The following GALNTL6 variants were observed in gnomAD, a reference collection of about 807,000 sequenced individuals.
GALNTL6 encodes polypeptide N-acetylgalactosaminyltransferase like 6, also known as polypeptide N-acetylgalactosaminyltransferase-like 6.
In GALNTL6, 46 loss-of-function variants were observed where a neutral mutation model predicts 73.7. The ratio of observed to expected loss-of-function variants is 0.62; its 90% CI spans 0.49 to 0.80. GALNTL6 has a LOEUF of 0.80. Ranked by LOEUF, GALNTL6 falls within the 30% of genes least tolerant of loss-of-function variation. The pLI is 0.00. For missense variants in GALNTL6, 604 were observed against 755.0 expected, an observed-to-expected ratio of 0.80 and a Z score of 2.34; for synonymous variants, 259 against 263.7, an observed-to-expected ratio of 0.98 and a Z score of 0.17.
chr4:172,634,451 A>G (rs1739559709), intron 5 of GALNTL6, among the ~76,000 whole-genome samples: 1 of 151,868 alleles, frequency 6.6e-6, no homozygotes, highest in Non-Finnish European at 1.5e-5. Flanking sequence ...GGAGCTAAGC[A>G]GCTCTGGAAC....
chr4:171,953,808 C>G (rs1413524171), intron 2 of GALNTL6, among the ~76,000 whole-genome samples: 1 of 151,940 alleles, frequency 6.6e-6, no homozygotes, highest in East Asian at 1.9e-4. Context: ...GCCCAAGAGA[C>G]AGTAAAGGCA....
chr4:172,949,480 TG>T (rs760906587), intron 9 of GALNTL6, among the ~76,000 whole-genome samples: 359 of 152,356 alleles, frequency 2.4e-3, no homozygotes, highest in Non-Finnish European at 2.1e-3. Context: ...AGGTGTAAAT[TG>T]ATGAAAATTA....
rs1734760441 is a variant in GALNTL6 at position 171,824,080 on chromosome 4, TATATATA to T, written c.138+9363_138+9369del. ...AAGTCCTCAACACAAATCCATTTTA[TATATATA>T]TATATATATATATATATATATATGT... is the stretch of plus-strand genomic sequence containing the variant. On this transcript the variant is annotated intron_variant, in intron 2 of 12. Transcript: ENST00000506823. 7.0e-4 allele frequency among the ~76,000 whole-genome samples: 12 copies of T among 17,214 alleles called. No individual in the cohort carries two copies. In the East Asian group the frequency reaches 0.046, roughly 66 times the overall value. The allele number at this position is 17,214 out of a possible 152,430, so 11.3% of individuals were successfully genotyped here. A position where few individuals can be genotyped will look rare whatever the true frequency, so the allele number is the denominator to read the frequency against.
chr4:172,092,417 A>G (rs78419675), intron 2 of GALNTL6, among the ~76,000 whole-genome samples: 2,540 of 152,254 alleles, frequency 0.017, 61 homozygotes, highest in African/African-American at 0.055. Flanking sequence ...AATTTAATAC[A>G]TAAAATAAGC....
At chr4:171,909,606 A>G (rs1183064718) in intron 2 of GALNTL6, among the ~76,000 whole-genome samples, 1 of 152,182 alleles carries the variant, frequency 6.6e-6, no homozygotes, top group Non-Finnish European at 1.5e-5. Flanking sequence ...AGAAAAATCC[A>G]TGAATAGGAA....
chr4:172,049,833 A>C (rs2110855726), intron 2 of GALNTL6, among the ~76,000 whole-genome samples: 1 of 152,130 alleles, frequency 6.6e-6, no homozygotes, highest in Non-Finnish European at 1.5e-5. Flanking sequence ...AAAATACAAA[A>C]GTTAGCCTGG....
intron 2 of GALNTL6, among the ~76,000 whole-genome samples, chr4:172,076,206 C>T (rs538536475): frequency 6.6e-6 from 1 of 152,280 alleles, no homozygotes; most frequent in South Asian, 2.1e-4. Context: ...CTAAATTAGT[C>T]TCTGCTGCAT....
At chr4:171,949,537 A>G (rs1738804624) in intron 2 of GALNTL6, among the ~76,000 whole-genome samples, 1 of 152,178 alleles carries the variant, frequency 6.6e-6, no homozygotes, top group Non-Finnish European at 1.5e-5. Flanking sequence ...AATGTATAAA[A>G]GAGGGTGAAG....
chr4:172,467,309 G>C (rs1279842583), intron 5 of GALNTL6, among the ~76,000 whole-genome samples: 2 of 152,186 alleles, frequency 1.3e-5, no homozygotes, highest in Non-Finnish European at 2.9e-5. Flanking sequence ...ACAATTAGTT[G>C]TTTAAAACAC....
intron 5 of GALNTL6, among the ~76,000 whole-genome samples, chr4:172,397,349 G>T (rs1743884270): frequency 6.6e-6 from 1 of 152,088 alleles, no homozygotes; most frequent in Admixed American, 6.5e-5. Context: ...TTGAGGGCAA[G>T]ATTTAGAAGT....
intron 2 of GALNTL6, among the ~76,000 whole-genome samples, chr4:171,889,974 C>T (rs1736716504): frequency 6.6e-6 from 1 of 151,884 alleles, no homozygotes; most frequent in Admixed American, 6.6e-5. Flanking sequence ...CATATAGTAC[C>T]CAACTGTTAA....
chr4:172,355,030 A>G (rs1742102363), intron 5 of GALNTL6, among the ~76,000 whole-genome samples: 1 of 152,066 alleles, frequency 6.6e-6, no homozygotes, highest in African/African-American at 2.4e-5. Flanking sequence ...ATCTGTTTTA[A>G]GCAGGTGCTC....
In GALNTL6 at chr4:172,339,237, C is replaced by T. The variant is rs536906057; in HGVS notation, c.387-9286C>T. On this transcript the variant is annotated intron_variant, in intron 4 of 12. Coordinates refer to ENST00000506823, the MANE Select transcript of GALNTL6 (RefSeq NM_001034845.3). ...ATCTCAGGGGAGCAGGCTGGGGCAC[C>T]CAGCAAACACACACACACACCACAC... is the stretch of plus-strand genomic sequence containing the variant. Among the ~76,000 whole-genome samples the T allele has an allele frequency of 2.2e-5, 3 of 135,604 alleles. No individual in the cohort carries two copies. In the South Asian group the frequency reaches 7.1e-4, roughly 32 times the overall value. The allele number at this position is 135,604 out of a possible 152,430, so 89.0% of individuals were successfully genotyped here.
chr4:172,427,513 G>A (rs1396036843), intron 5 of GALNTL6, among the ~76,000 whole-genome samples: 1 of 152,112 alleles, frequency 6.6e-6, no homozygotes, highest in Non-Finnish European at 1.5e-5. Context: ...CACCATATCA[G>A]AAGGGAAGGA....
intron 5 of GALNTL6, among the ~76,000 whole-genome samples, chr4:172,600,919 A>G (rs1738031292): frequency 6.6e-6 from 1 of 152,162 alleles, no homozygotes; most frequent in Non-Finnish European, 1.5e-5. Flanking sequence ...CTAGTGTCCA[A>G]TAAAAACATA....
intron 5 of GALNTL6, among the ~76,000 whole-genome samples, chr4:172,695,345 G>A (rs1733618963): frequency 6.6e-6 from 1 of 152,172 alleles, no homozygotes; most frequent in Admixed American, 6.5e-5. Flanking sequence ...ATTCTTTTGT[G>A]TAACTGATTC....
At chr4:172,933,637 G>A (rs1173336509) in intron 9 of GALNTL6, among the ~76,000 whole-genome samples, 1 of 151,618 alleles carries the variant, frequency 6.6e-6, no homozygotes, top group South Asian at 2.1e-4. Flanking sequence ...ACATTTTATG[G>A]TTTTTTTAAG....
intron 5 of GALNTL6, among the ~76,000 whole-genome samples, chr4:172,481,515 T>A (rs1733473203): frequency 1.3e-5 from 2 of 149,802 alleles, no homozygotes; most frequent in African/African-American, 2.5e-5. Context: ...GAGAGCTGAT[T>A]GGTCCATTTT....
At chr4:172,682,219 G>A (rs557081095) in intron 5 of GALNTL6, among the ~76,000 whole-genome samples, 13 of 151,910 alleles carry the variant, frequency 8.6e-5, no homozygotes, top group Admixed American at 5.9e-4. Context: ...TTTGTTCTTC[G>A]TTATTATTTA....
Sources: allele counts gnomAD v4.1 joint callset (sites outside exome capture counted in the v4.1 genomes callset), GRCh38; gene constraint gnomAD v4.1.1; transcripts MANE v1.5; gene names NCBI Gene and HGNC (gene_info 2026-07-23, HGNC 2026-07-21).